Variants in COQ8B observed in about 807,000 individuals in gnomAD.
The protein encoded by COQ8B is atypical kinase COQ8B, mitochondrial.
COQ8B carries 44 observed loss-of-function variants against 62.0 expected under a neutral mutation model. The ratio of observed to expected loss-of-function variants is 0.71; its 90% CI spans 0.56 to 0.91. The LOEUF (loss-of-function observed/expected upper bound fraction) is 0.91. COQ8B is among the 40% of genes least tolerant of loss of function. The pLI, the probability that COQ8B is intolerant of heterozygous loss-of-function variation, is 0.00. For missense variants in COQ8B, 649 were observed against 731.6 expected, an observed-to-expected ratio of 0.89 and a Z score of 1.30; for synonymous variants, 252 against 289.9, an observed-to-expected ratio of 0.87 and a Z score of 1.33.
rs780730921 is a variant in COQ8B at position 40,702,647 on chromosome 19, A to T, written c.846T>A (p.Ala282=). 19 of 1,612,144 alleles carry T rather than the reference A, an allele frequency of 1.2e-5. No homozygotes were observed. The highest frequency in any genetic ancestry group is 1.6e-5 in the Non-Finnish European group (19 of 1,179,970). The stretch of plus-strand genomic sequence containing the variant: ...CCTCACGACGGTAGTCACACTCCCA[A>T]GCCAGCTCCTGCTGCAAGGCCTGCA... ...QSLQALQQEL[A]WECDYRREAA... is the part of the protein sequence containing the mutation. Residue 282 remains alanine (A), a synonymous_variant, in exon 10 of 15, where the codon GCT becomes GCA. Transcript: ENST00000324464.
In COQ8B at chr19:40,705,140, G is replaced by A. The variant is rs398122978; in HGVS notation, c.532C>T (p.Arg178Trp). 1.4e-5 allele frequency: 23 copies of A among 1,612,686 alleles called. No homozygotes were observed. In the Middle Eastern group the frequency reaches 4.9e-4, roughly 35 times the overall value. Reference sequence around the variant, plus strand: ...ATGAAGTCGGCGCTCTGGCGGACCCGCTCAAAGATGTGCTGCAGCTGAGGG... The same window carrying A: ...ATGAAGTCGGCGCTCTGGCGGACCCACTCAAAGATGTGCTGCAGCTGAGGG... ...ISPQLQHIFERVRQSADFMPR... is the reference protein window; with the variant it reads ...ISPQLQHIFEWVRQSADFMPR... The change falls in exon 7 of 15, where the codon CGG becomes TGG. Residue 178 changes from arginine to tryptophan, a missense_variant. Arg to Trp is a moderately radical substitution (Grantham distance 101). Coordinates refer to ENST00000324464, the MANE Select transcript of COQ8B (RefSeq NM_024876.4).
intron 4 of COQ8B, 59 bp downstream of exon 4, chr19:40,714,008 C>A (rs574780309): frequency 6.4e-7 from 1 of 1,561,542 alleles, no homozygotes; most frequent in East Asian, 2.2e-5. Flanking sequence ...TTGCTTCAAT[C>A]TGTAAATGTT....
chr19:40,706,004 G>C (rs1281926573), intron 5 of COQ8B, among the ~76,000 whole-genome samples: 1 of 151,584 alleles, frequency 6.6e-6, no homozygotes, highest in Non-Finnish European at 1.5e-5. Flanking sequence ...GAGAGTCAAA[G>C]AGTAACTACT....
intron 12 of COQ8B, 59 bp from the exon 13 acceptor site, chr19:40,696,113 T>C (rs546628637): frequency 8.3e-6 from 13 of 1,569,636 alleles, no homozygotes; most frequent in Admixed American, 6.7e-5. Flanking sequence ...TCACTGTCTA[T>C]TGGGGCAGCC....
At chr19:40,695,943 T>C (rs1330282707) in intron 13 of COQ8B, 46 bp downstream of exon 13, 1 of 1,590,070 alleles carries the variant, frequency 6.3e-7, no homozygotes, top group East Asian at 2.2e-5. Context: ...AGTATATGGC[T>C]TGAGCCTCAG....
intron 14 of COQ8B, among the ~76,000 whole-genome samples, chr19:40,692,672 C>T (rs956932601): frequency 1.3e-5 from 2 of 152,170 alleles, no homozygotes; most frequent in South Asian, 2.1e-4. Flanking sequence ...CCACGGTGCC[C>T]ATGTTCCCAG....
chr19:40,713,566 A>T (rs2369250), intron 4 of COQ8B, among the ~76,000 whole-genome samples: 80,079 of 144,458 alleles, frequency 0.55, 22,291 homozygotes, highest in East Asian at 0.7. Flanking sequence ...AAAAAAAAAA[A>T]ATAGCCAGGC....
intron 12 of COQ8B, among the ~76,000 whole-genome samples, chr19:40,697,850 A>AGAGAGG (rs1326986893): frequency 9.8e-6 from 1 of 101,888 alleles, no homozygotes; most frequent in East Asian, 2.6e-4. Context: ...ATATATATAT[A>AGAGAGG]TAGAGAGAGA....
intron 13 of COQ8B, among the ~76,000 whole-genome samples, chr19:40,693,847 GC>G (rs2081992812): frequency 6.6e-6 from 1 of 150,708 alleles, no homozygotes; most frequent in Admixed American, 6.6e-5. Flanking sequence ...AGAAGGGGAA[GC>G]AGACCCGGAG....
chr19:40,695,495 G>C (rs1327247193), intron 13 of COQ8B, among the ~76,000 whole-genome samples: 1 of 152,132 alleles, frequency 6.6e-6, no homozygotes, highest in Non-Finnish European at 1.5e-5. Flanking sequence ...AAGTACGTGA[G>C]GAAACACCTC....
chr19:40,714,069 C>G lies in COQ8B; in HGVS notation c.287G>C (p.Gly96Ala), dbSNP rs1221397795. The stretch of plus-strand genomic sequence containing the variant: ...AGATCCCCCAAAGTCACACCTACCC[C>G]CAAAGTTGGCCAAGCGGCTGATGCG... ...ASRISRLANF[G>A]GLAVGLGLGV... The change falls in exon 4 of 15, where the codon GGG becomes GCG. Residue 96 changes from glycine to alanine, a missense_variant and splice_region_variant. Coordinates refer to ENST00000324464, the MANE Select transcript of COQ8B (RefSeq NM_024876.4). The G allele has an allele frequency of 3.1e-6, 5 of 1,613,972 alleles. No individual in the cohort carries two copies. Among genetic ancestry groups the G allele is most frequent in the Non-Finnish European group, 4.2e-6 (5 of 1,180,032 alleles).
In COQ8B at chr19:40,692,112, AGT is replaced by A; in HGVS notation, c.1556_1557del (p.Tyr519LeufsTer43). ...GCTGCGTCTGGCTGGCGACTGGCCC[AGT>A]AGCGGTGGTAGGTGTCCTGGAAGAG... is the stretch of plus-strand genomic sequence containing the variant. ...RDLFQDTYHRYWASRQPDAAT... is the reference protein window; with the variant it reads ...RDLFQDTYHRXWASRQPDAAT... On this transcript the variant is annotated frameshift_variant, in exon 15 of 15. Coordinates refer to ENST00000324464, the MANE Select transcript of COQ8B (RefSeq NM_024876.4). LOFTEE classifies it low-confidence loss of function (END_TRUNC). The A allele has an allele frequency of 6.2e-7, 1 of 1,608,146 alleles. No homozygotes were observed. The highest frequency in any genetic ancestry group is 8.5e-7 in the Non-Finnish European group (1 of 1,177,588).
At chr19:40,705,048 G>A (rs1290648109) in intron 7 of COQ8B, 48 bp downstream of exon 7, 3 of 1,523,044 alleles carry the variant, frequency 2.0e-6, no homozygotes, top group African/African-American at 1.4e-5. Context: ...GCAGGTCAGA[G>A]GAGATGGAGC....
chr19:40,703,386 G>A (rs1482043777), intron 9 of COQ8B, 155 bp downstream of exon 9: 2 of 744,756 alleles, frequency 2.7e-6, no homozygotes, highest in Non-Finnish European at 4.2e-6. Flanking sequence ...TGCTCCCTGG[G>A]CTCTCCCCGC....
intron 4 of COQ8B, among the ~76,000 whole-genome samples, chr19:40,713,011 G>A (rs1457293351): frequency 1.3e-5 from 2 of 152,196 alleles, no homozygotes; most frequent in Admixed American, 6.5e-5. Context: ...ACCAACTTGA[G>A]CAACATAGGG....
chr19:40,705,258 G>T, intron 6 of COQ8B, 67 bp downstream of exon 6: 2 of 1,590,966 alleles, frequency 1.3e-6, no homozygotes, highest in Non-Finnish European at 1.7e-6. Flanking sequence ...TGAAGTTGGG[G>T]CCTGTTGGTG....
chr19:40,696,102 C>T (rs778839711), intron 12 of COQ8B, 48 bp from the exon 13 acceptor site: 13 of 1,588,094 alleles, frequency 8.2e-6, no homozygotes, highest in Admixed American at 3.3e-5. Flanking sequence ...CATTCACACC[C>T]TCACTGTCTA....
Position 40,698,566 on chromosome 19 carries a change from C to A in COQ8B, c.1143+1501G>T, listed in dbSNP as rs1334749562. ...AAAAAAAAAAAAGTCCTGTTGGAAA[C>A]CAATAAATTGATGTCAGGACTCCTA... On this transcript the variant is annotated intron_variant, in intron 12 of 14. Transcript: ENST00000324464. Among the ~76,000 whole-genome samples, 5 of 151,512 alleles carry A rather than the reference C, an allele frequency of 3.3e-5. No homozygotes were observed. The East Asian group carries it at 9.7e-4, about 29-fold the overall frequency.
chr19:40,704,352 T>A (rs955213185), intron 7 of COQ8B: 1 of 154,692 alleles, frequency 6.5e-6, no homozygotes, highest in Non-Finnish European at 1.4e-5. Context: ...GGTCTCACTA[T>A]GTTGCCCAGG....
Sources: allele counts gnomAD v4.1 joint callset (sites outside exome capture counted in the v4.1 genomes callset), GRCh38; gene constraint gnomAD v4.1.1; transcripts MANE v1.5; gene names NCBI Gene and HGNC (gene_info 2026-07-23, HGNC 2026-07-21).